ALCAM: variants seen among roughly 807,000 people sequenced by gnomAD.
ALCAM encodes the protein activated leukocyte cell adhesion molecule.
Under a neutral mutation model 70.9 loss-of-function variants are expected in ALCAM, and 30 were observed. That is an observed-to-expected ratio of 0.42 (90% CI 0.32 to 0.57). The LOEUF is 0.57. ALCAM is among the 20% of genes least tolerant of loss of function. The probability of loss-of-function intolerance (pLI) is 0.11; values close to 1 mark genes in which losing one functional copy is unlikely to be tolerated. For synonymous variants in ALCAM, 249 were observed against 242.5 expected (o/e 1.03, Z -0.25); for missense variants, 591 against 695.1 (o/e 0.85, Z 1.68).
rs138863489 is a variant in ALCAM, at chr3:105,510,182, G to A, written c.74-9885G>A. ...GTGTGGAGAATAAGCATACCGCAGAGTAAAGATGGTCCCAAGTGAAAGGGA... is the reference window on the plus strand; with the variant it reads ...GTGTGGAGAATAAGCATACCGCAGAATAAAGATGGTCCCAAGTGAAAGGGA... On this transcript the variant is annotated intron_variant, in intron 1 of 15. Coordinates refer to ENST00000306107, the MANE Select transcript of ALCAM (RefSeq NM_001627.4). Among the ~76,000 whole-genome samples, 431 of 152,148 alleles carry A rather than the reference G, an allele frequency of 2.8e-3. 1 individual carries two copies. The highest frequency in any genetic ancestry group is 4.9e-3 in the Non-Finnish European group (336 of 67,956).
At chr3:105,440,834 A>G (rs1937153824) in intron 1 of ALCAM, 1 of 152,186 alleles carries the variant, frequency 6.6e-6, no homozygotes, top group Non-Finnish European at 1.5e-5. Flanking sequence ...CTTCTGCCCC[A>G]GGATATATTT....
chr3:105,485,123 T>C (rs1938389906), intron 1 of ALCAM, among the ~76,000 whole-genome samples: 1 of 152,066 alleles, frequency 6.6e-6, no homozygotes, highest in African/African-American at 2.4e-5. Flanking sequence ...CATAAGGGAA[T>C]AGAAATAAAA....
chr3:105,540,060 G>A lies in ALCAM; in HGVS notation c.816G>A (p.Gly272=), dbSNP rs1470258788. The A allele has an allele frequency of 6.2e-7, 1 of 1,612,462 alleles. No individual in the cohort carries two copies. Among genetic ancestry groups the A allele is most frequent in the Non-Finnish European group, 8.5e-7 (1 of 1,178,884 alleles). The change falls in exon 7 of 16, where the codon GGG becomes GGA. Residue 272 remains glycine (G), a synonymous_variant. Coordinates refer to ENST00000306107, the MANE Select transcript of ALCAM (RefSeq NM_001627.4). ...ATAACATCACTCTTAAATGCTTAGGGAATGGCAACCCTCCCCCAGAGGAAT... is the reference window on the plus strand; with the variant it reads ...ATAACATCACTCTTAAATGCTTAGGAAATGGCAACCCTCCCCCAGAGGAAT... ...EGDNITLKCL[G]NGNPPPEEFL... is the part of the protein sequence containing the mutation.
intron 11 of ALCAM, among the ~76,000 whole-genome samples, chr3:105,548,430 T>G (rs963250423): frequency 1.3e-5 from 2 of 151,406 alleles, no homozygotes; most frequent in African/African-American, 4.8e-5. Flanking sequence ...CTTCTCAGAT[T>G]TTGACCCAGT....
intron 3 of ALCAM, chr3:105,525,325 T>C: frequency 3.1e-6 from 3 of 982,284 alleles, no homozygotes; most frequent in Non-Finnish European, 3.6e-6. Flanking sequence ...ACTGTGCAAA[T>C]AACTGTGCAA....
chr3:105,373,978 A>G (rs1935309935), intron 1 of ALCAM, among the ~76,000 whole-genome samples: 2 of 152,208 alleles, frequency 1.3e-5, no homozygotes, highest in South Asian at 2.1e-4. Flanking sequence ...GGCTATCAAG[A>G]CCTGATGGCA....
intron 1 of ALCAM, among the ~76,000 whole-genome samples, chr3:105,477,940 T>C (rs1938166398): frequency 6.7e-6 from 1 of 148,604 alleles, no homozygotes; most frequent in African/African-American, 2.6e-5. Flanking sequence ...CTCAGTAATA[T>C]ATCTTCTGTA....
chr3:105,459,297 T>C (rs1372654563), intron 1 of ALCAM, among the ~76,000 whole-genome samples: 2 of 152,144 alleles, frequency 1.3e-5, no homozygotes, highest in East Asian at 1.9e-4. Flanking sequence ...TAGGCAGAGA[T>C]AGAGACTTTG....
At chr3:105,377,592 A>G (rs1181216383) in intron 1 of ALCAM, among the ~76,000 whole-genome samples, 1 of 152,090 alleles carries the variant, frequency 6.6e-6, no homozygotes, top group Non-Finnish European at 1.5e-5. Flanking sequence ...AGTAGTAGGC[A>G]TATACACTCA....
At chr3:105,486,449 A>C (rs182266783) in intron 1 of ALCAM, among the ~76,000 whole-genome samples, 74 of 152,274 alleles carry the variant, frequency 4.9e-4, no homozygotes, top group African/African-American at 1.6e-3. Flanking sequence ...GCATTCAACG[A>C]ACTTAAATTT....
intron 3 of ALCAM, among the ~76,000 whole-genome samples, chr3:105,530,832 A>T (rs929612444): frequency 6.6e-6 from 1 of 152,072 alleles, no homozygotes; most frequent in Non-Finnish European, 1.5e-5. Context: ...TATAATCTAA[A>T]GATATCCATT....
chr3:105,519,364 A>G (rs1332804211), intron 1 of ALCAM, among the ~76,000 whole-genome samples: 1 of 151,976 alleles, frequency 6.6e-6, no homozygotes, highest in Non-Finnish European at 1.5e-5. Flanking sequence ...TTCTGTATGT[A>G]CAAAATTGTG....
At chr3:105,442,337 G>A (rs1212823459) in intron 1 of ALCAM, among the ~76,000 whole-genome samples, 2 of 152,042 alleles carry the variant, frequency 1.3e-5, no homozygotes. Flanking sequence ...ATTACAGGAT[G>A]TTAGCCAAGT....
intron 1 of ALCAM, among the ~76,000 whole-genome samples, chr3:105,502,414 C>T (rs1938945703): frequency 1.3e-5 from 2 of 152,070 alleles, no homozygotes; most frequent in African/African-American, 4.8e-5. Flanking sequence ...TATCAGAGTC[C>T]ATGTTCTTCA....
At chr3:105,429,294 G>A (rs1304773142) in intron 1 of ALCAM, among the ~76,000 whole-genome samples, 2 of 151,906 alleles carry the variant, frequency 1.3e-5, no homozygotes, top group Non-Finnish European at 2.9e-5. Flanking sequence ...AAACAGAAAA[G>A]GAATAAAAAT....
At chr3:105,406,388 A>C (rs1402120221) in intron 1 of ALCAM, among the ~76,000 whole-genome samples, 4 of 152,176 alleles carry the variant, frequency 2.6e-5, no homozygotes, top group Non-Finnish European at 4.4e-5. Context: ...GCCTAGGCAA[A>C]ACTCCTGATG....
chr3:105,515,525 C>G (rs113903154), intron 1 of ALCAM, among the ~76,000 whole-genome samples: 3 of 151,994 alleles, frequency 2.0e-5, no homozygotes, highest in African/African-American at 7.2e-5. Flanking sequence ...ACAAGTGATT[C>G]TGATTTGCAT....
At chr3:105,405,218 A>G (rs1452636995) in intron 1 of ALCAM, among the ~76,000 whole-genome samples, 1 of 137,328 alleles carries the variant, frequency 7.3e-6, no homozygotes, top group Non-Finnish European at 1.5e-5. Flanking sequence ...TGGAGGTTGC[A>G]GTGAACCAAG....
chr3:105,396,493 T>C (rs1284448694), intron 1 of ALCAM, among the ~76,000 whole-genome samples: 2 of 152,004 alleles, frequency 1.3e-5, no homozygotes, highest in East Asian at 1.9e-4. Flanking sequence ...CGGGACAAGA[T>C]TACTAGAAAC....
Sources: gnomAD v4.1 joint callset for allele counts (sites outside exome capture counted in the v4.1 genomes callset) on GRCh38, gnomAD v4.1.1 for gene constraint, MANE v1.5 for transcripts, NCBI Gene and HGNC (gene_info 2026-07-23, HGNC 2026-07-21) for gene names.